GPC5: variants seen among roughly 807,000 people sequenced by gnomAD.
GPC5 encodes glypican 5, also known as glypican-5.
In GPC5, 47 loss-of-function variants were observed where a neutral mutation model predicts 53.9. The ratio of observed to expected loss-of-function variants is 0.87; its 90% confidence interval spans 0.69 to 1.11. The LOEUF (loss-of-function observed/expected upper bound fraction) is 1.11, where lower values mean the gene tolerates loss of function less well. Ranked by LOEUF, GPC5 falls within the 50% of genes most tolerant of loss-of-function variation. GPC5 has a pLI of 0.00. For synonymous variants in GPC5, 286 were observed against 263.3 expected, an observed-to-expected ratio of 1.09 and a Z score of -0.84; for missense variants, 748 against 713.1, an observed-to-expected ratio of 1.05 and a Z score of -0.56.
intron 5 of GPC5, among the ~76,000 whole-genome samples, chr13:91,852,004 G>A (rs1483552130): frequency 2.0e-5 from 3 of 150,840 alleles, no homozygotes; most frequent in Admixed American, 1.3e-4. Flanking sequence ...ATAGTCCTTT[G>A]GGTATATACC....
intron 5 of GPC5, among the ~76,000 whole-genome samples, chr13:91,820,171 T>C (rs1369616300): frequency 6.6e-6 from 1 of 152,128 alleles, no homozygotes; most frequent in Non-Finnish European, 1.5e-5. Context: ...TATATTCTCT[T>C]ACATTATGGT....
At chr13:91,503,417 G>T (rs1335669498) in intron 2 of GPC5, among the ~76,000 whole-genome samples, 1 of 152,016 alleles carries the variant, frequency 6.6e-6, no homozygotes, top group Non-Finnish European at 1.5e-5. Context: ...CAAATAAAAA[G>T]ACTTTTAAAA....
At chr13:91,726,466 A>G (rs2036578187) in intron 3 of GPC5, among the ~76,000 whole-genome samples, 1 of 152,190 alleles carries the variant, frequency 6.6e-6, no homozygotes, top group African/African-American at 2.4e-5. Context: ...AAAGCTCCTT[A>G]GCCTGGCATT....
At chr13:91,718,367 C>T (rs919358059) in intron 3 of GPC5, among the ~76,000 whole-genome samples, 4 of 152,172 alleles carry the variant, frequency 2.6e-5, no homozygotes, top group African/African-American at 4.8e-5. Flanking sequence ...GCTTTGGCCT[C>T]CCAAAGTGCT....
chr13:92,106,844 C>T (rs918829125), intron 6 of GPC5, among the ~76,000 whole-genome samples: 1 of 151,956 alleles, frequency 6.6e-6, no homozygotes, highest in Non-Finnish European at 1.5e-5. Context: ...ATATTGAATG[C>T]CTGCATAAAA....
At chr13:91,914,146 T>A (rs906875186) in intron 6 of GPC5, among the ~76,000 whole-genome samples, 3 of 152,180 alleles carry the variant, frequency 2.0e-5, no homozygotes, top group African/African-American at 7.2e-5. Flanking sequence ...CTAAATGACA[T>A]CTATCATTTT....
At chr13:92,351,333 T>G (rs941488650) in intron 7 of GPC5, among the ~76,000 whole-genome samples, 15 of 151,830 alleles carry the variant, frequency 9.9e-5, no homozygotes, top group Non-Finnish European at 1.5e-4. Flanking sequence ...GATACACTTT[T>G]GAAATAACAC....
At chr13:92,819,154 T>A (rs182471302) in intron 7 of GPC5, among the ~76,000 whole-genome samples, 71 of 152,158 alleles carry the variant, frequency 4.7e-4, no homozygotes, top group Admixed American at 1.0e-3. Flanking sequence ...AAGTTTCATA[T>A]CCTGTTTACT....
intron 7 of GPC5, among the ~76,000 whole-genome samples, chr13:92,769,561 G>A (rs1304359809): frequency 6.6e-6 from 1 of 152,018 alleles, no homozygotes. Flanking sequence ...AACATGGTGA[G>A]CTCCACCTCA....
At chr13:91,696,221 A>G (rs540395310) in intron 3 of GPC5, among the ~76,000 whole-genome samples, 3 of 152,326 alleles carry the variant, frequency 2.0e-5, no homozygotes, top group South Asian at 2.1e-4. Flanking sequence ...TGTTTCCTAA[A>G]GAAGTTTTAT....
intron 6 of GPC5, among the ~76,000 whole-genome samples, chr13:92,123,444 C>T (rs1006204113): frequency 6.6e-6 from 1 of 152,040 alleles, no homozygotes; most frequent in Non-Finnish European, 1.5e-5. Context: ...AAAGAAAAGG[C>T]AGGGAATTGA....
At chr13:92,094,632 TAAC>T (rs936361034) in intron 6 of GPC5, among the ~76,000 whole-genome samples, 5 of 151,406 alleles carry the variant, frequency 3.3e-5, no homozygotes, top group Admixed American at 3.3e-4. Context: ...AAACAGAATG[TAAC>T]AAACTATATA....
intron 7 of GPC5, among the ~76,000 whole-genome samples, chr13:92,758,645 A>G (rs1405774820): frequency 1.3e-5 from 2 of 152,266 alleles, no homozygotes; most frequent in Non-Finnish European, 2.9e-5. Flanking sequence ...ACTTGTGTTT[A>G]TATTTATTTT....
chr13:91,721,293 C>G (rs971087141), intron 3 of GPC5, among the ~76,000 whole-genome samples: 1 of 152,032 alleles, frequency 6.6e-6, no homozygotes, highest in African/African-American at 2.4e-5. Context: ...TGCCACCATG[C>G]CTGGCTAATT....
At chr13:91,655,113 G>A (rs2034813907) in intron 2 of GPC5, among the ~76,000 whole-genome samples, 1 of 152,108 alleles carries the variant, frequency 6.6e-6, no homozygotes, top group Non-Finnish European at 1.5e-5. Context: ...GATCAAGTAA[G>A]TGACAATTTT....
chr13:92,475,881 C>G (rs1235790649), intron 7 of GPC5, among the ~76,000 whole-genome samples: 3 of 152,016 alleles, frequency 2.0e-5, no homozygotes, highest in African/African-American at 7.2e-5. Flanking sequence ...ACACCTTATA[C>G]AAAAATCAAT....
intron 7 of GPC5, among the ~76,000 whole-genome samples, chr13:92,865,055 A>G (rs956253393): frequency 1.3e-5 from 2 of 152,182 alleles, no homozygotes; most frequent in African/African-American, 4.8e-5. Flanking sequence ...TGATGGCACT[A>G]GATAATAAGT....
At chr13:92,752,998 G>A (rs1874659231) in intron 7 of GPC5, among the ~76,000 whole-genome samples, 1 of 152,172 alleles carries the variant, frequency 6.6e-6, no homozygotes, top group African/African-American at 2.4e-5. Context: ...ACAGCTCAGG[G>A]AGGCCTGCCT....
intron 7 of GPC5, among the ~76,000 whole-genome samples, chr13:92,326,976 C>A (rs902777548): frequency 7.2e-5 from 11 of 151,988 alleles, no homozygotes; most frequent in Admixed American, 5.3e-4. Context: ...TGAATACTGC[C>A]TTCACGTTTT....
Sources: allele counts gnomAD v4.1 joint callset (sites outside exome capture counted in the v4.1 genomes callset), GRCh38; gene constraint gnomAD v4.1.1; transcripts MANE v1.5; gene names NCBI Gene and HGNC (gene_info 2026-07-23, HGNC 2026-07-21).